Variants in RGS12 observed in about 807,000 individuals in gnomAD.
The protein encoded by RGS12 is regulator of G-protein signaling 12.
RGS12 carries 66 observed loss-of-function variants against 120.1 expected under a neutral mutation model. The observed-to-expected ratio is 0.55, with a 90% confidence interval of 0.45 to 0.67. RGS12 has a LOEUF of 0.67. Among genes scored for constraint, RGS12 ranks in the 30% least tolerant of loss-of-function variants. RGS12 has a pLI of 0.00. For missense variants in RGS12, 1,859 were observed against 1,957.7 expected (o/e 0.95, Z 0.95); for synonymous variants, 827 against 804.7 (o/e 1.03, Z -0.47).
chr4:3,287,026 G>T, the RGS12 span, among the ~76,000 whole-genome samples: 1 of 152,168 alleles, frequency 6.6e-6, no homozygotes, highest in African/African-American at 2.4e-5. Flanking sequence ...ATCAGCTTTG[G>T]GCATATATTA....
chr4:3,318,088 GCCT>G (rs776997720), intron 2 of RGS12, 37 bp downstream of exon 2: 2 of 1,542,226 alleles, frequency 1.3e-6, no homozygotes, highest in Non-Finnish European at 1.8e-6. Flanking sequence ...CGGAGGCCCG[GCCT>G]CCTCACTTAG....
intron 3 of RGS12, among the ~76,000 whole-genome samples, chr4:3,345,087 AAGAC>A (rs1400441052): frequency 2.6e-4 from 39 of 152,246 alleles, no homozygotes; most frequent in African/African-American, 9.4e-4. Context: ...GAGGTCAAGA[AAGAC>A]AGCAGTTTTT....
chr4:3,359,628 T>TTC (rs202103253), intron 3 of RGS12, among the ~76,000 whole-genome samples: 4,332 of 145,528 alleles, frequency 0.03, 205 homozygotes, highest in African/African-American at 0.097. Context: ...TTCTTTTCTT[T>TTC]TTTTTTTTTT....
chr4:3,343,706 T>A (rs150852711), intron 3 of RGS12, among the ~76,000 whole-genome samples: 11 of 152,184 alleles, frequency 7.2e-5, no homozygotes, highest in Non-Finnish European at 1.5e-4. Flanking sequence ...CCGCTGTGTA[T>A]CACCGAGAAA....
intron 1 of RGS12, among the ~76,000 whole-genome samples, chr4:3,295,763 A>T (rs1312343158): frequency 3.3e-5 from 5 of 152,162 alleles, no homozygotes; most frequent in Admixed American, 6.5e-5. Flanking sequence ...ATTAGTTACG[A>T]CTTAACACAT....
At chr4:3,289,875 A>G (rs1474030134), upstream of RGS12, among the ~76,000 whole-genome samples, 1 of 152,082 alleles carries the variant, frequency 6.6e-6, no homozygotes, top group Non-Finnish European at 1.5e-5. Context: ...TGACTTGGAC[A>G]TTTTCAGATT....
rs202050160 is a variant in RGS12 at position 3,430,666 on chromosome 4, G to A, written c.3825G>A (p.Pro1275=). 6.0e-5 allele frequency: 95 copies of A among 1,589,262 alleles called. No homozygotes were observed. Among genetic ancestry groups the A allele is most frequent in the South Asian group, 3.0e-4 (26 of 88,114 alleles). ...GCAGCGACAGCCCGTCCACCAGCCC[G>A]GGCTCAGCCTCCAGCCCCCCTGGAC... The part of the protein sequence containing the change: ...QESSDSPSTS[P]GSASSPPGPP... Residue 1275 remains proline (P), a synonymous_variant, in exon 17 of 18, where the codon CCG becomes CCA. Coordinates refer to ENST00000336727, the MANE Select transcript of RGS12 (RefSeq NM_001394154.1).
At chr4:3,416,875 C>A (rs776237847) in intron 7 of RGS12, 38 bp from the exon 8 acceptor site, 3 of 1,553,072 alleles carry the variant, frequency 1.9e-6, no homozygotes, top group Non-Finnish European at 1.8e-6. Flanking sequence ...ATGTCTGGGT[C>A]CCTCCTGTGA....
At chr4:3,348,844 G>A (rs985706196) in intron 3 of RGS12, among the ~76,000 whole-genome samples, 10 of 152,192 alleles carry the variant, frequency 6.6e-5, no homozygotes, top group Admixed American at 6.5e-4. Context: ...GCGGCCAGCA[G>A]GTCACACGCA....
intron 4 of RGS12, among the ~76,000 whole-genome samples, chr4:3,405,754 G>A (rs1415483491): frequency 6.6e-6 from 1 of 152,188 alleles, no homozygotes; most frequent in African/African-American, 2.4e-5. Context: ...GTGTGAACGT[G>A]TTTAGAGGAA....
chr4:3,429,806 G>A (rs970298504), intron 16 of RGS12, among the ~76,000 whole-genome samples: 4 of 152,204 alleles, frequency 2.6e-5, no homozygotes, highest in Admixed American at 6.5e-5. Context: ...GGGAGAGCAC[G>A]TGTTGCCCCC....
At chr4:3,307,627 C>T (rs890537621) in intron 1 of RGS12, among the ~76,000 whole-genome samples, 5 of 152,224 alleles carry the variant, frequency 3.3e-5, no homozygotes, top group East Asian at 1.9e-4. Flanking sequence ...ACTCGGCAGG[C>T]GTGGATCGCG....
chr4:3,293,664 C>T (rs1723184677), intron 1 of RGS12, among the ~76,000 whole-genome samples: 2 of 151,742 alleles, frequency 1.3e-5, no homozygotes, highest in South Asian at 4.2e-4. Context: ...AGAGAGGGGC[C>T]CAAAGCTGTG....
intron 3 of RGS12, among the ~76,000 whole-genome samples, chr4:3,373,649 C>G (rs1215317089): frequency 6.6e-6 from 1 of 152,230 alleles, no homozygotes; most frequent in African/African-American, 2.4e-5. Flanking sequence ...GCGTGCACAC[C>G]CTGTGTGCTG....
chr4:3,295,142 C>A (rs964834069), intron 1 of RGS12, among the ~76,000 whole-genome samples: 2 of 152,088 alleles, frequency 1.3e-5, no homozygotes, highest in Admixed American at 1.3e-4. Flanking sequence ...CAGTGAGGTC[C>A]TGGAGGTGGT....
At chr4:3,309,114 GA>G in intron 1 of RGS12, among the ~76,000 whole-genome samples, 2 of 115,204 alleles carry the variant, frequency 1.7e-5, no homozygotes, top group South Asian at 3.4e-4. Context: ...GAACCGTGTT[GA>G]GGAGGAGCTG....
At chr4:3,381,575 C>T (rs1380735112) in intron 3 of RGS12, among the ~76,000 whole-genome samples, 1 of 152,184 alleles carries the variant, frequency 6.6e-6, no homozygotes, top group Non-Finnish European at 1.5e-5. Context: ...CACATGGTGG[C>T]AGTAGAGAGA....
chr4:3,376,348 G>A (rs1483687771), intron 3 of RGS12, among the ~76,000 whole-genome samples: 6 of 151,568 alleles, frequency 4.0e-5, no homozygotes, highest in East Asian at 3.9e-4. Context: ...TGCCCTCCCC[G>A]CAGACCGTGG....
intron 3 of RGS12, among the ~76,000 whole-genome samples, chr4:3,362,776 A>C: frequency 8.3e-6 from 1 of 120,420 alleles, no homozygotes; most frequent in Non-Finnish European, 1.7e-5. Flanking sequence ...GGTGTGAGTT[A>C]GGGTGTGTGT....
Sources: gnomAD v4.1 joint callset for allele counts (sites outside exome capture counted in the v4.1 genomes callset) on GRCh38, gnomAD v4.1.1 for gene constraint, MANE v1.5 for transcripts, NCBI Gene and HGNC (gene_info 2026-07-23, HGNC 2026-07-21) for gene names.